GPHN: variants seen among roughly 807,000 people sequenced by gnomAD.
GPHN encodes the protein gephyrin.
GPHN carries 17 observed loss-of-function variants against 95.5 expected under a neutral mutation model. That is an observed-to-expected ratio of 0.18 (90% CI 0.12 to 0.27). The LOEUF (loss-of-function observed/expected upper bound fraction) is 0.27. Ranked by LOEUF, GPHN falls within the 10% of genes least tolerant of loss-of-function variation. GPHN has a pLI of 1.00. For missense variants in GPHN, 660 were observed against 978.1 expected (o/e 0.67, Z 4.34); for synonymous variants, 320 against 322.5 (o/e 0.99, Z 0.08).
the GPHN span, chr14:67,228,337 A>C: frequency 2.1e-6 from 1 of 485,324 alleles, no homozygotes; most frequent in African/African-American, 2.1e-5. Context: ...TATTTAGTTC[A>C]TCTTGTCTTA....
chr14:66,539,726 T>C (rs1016865271), intron 1 of GPHN, among the ~76,000 whole-genome samples: 1 of 152,154 alleles, frequency 6.6e-6, no homozygotes, highest in African/African-American at 2.4e-5. Flanking sequence ...CAGCCTGCTT[T>C]CTACTTTCAC....
chr14:67,008,097 C>A (rs1363776172), intron 9 of GPHN, among the ~76,000 whole-genome samples: 1 of 152,142 alleles, frequency 6.6e-6, no homozygotes, highest in African/African-American at 2.4e-5. Flanking sequence ...AAAGCTGTGT[C>A]TGAAATCGCT....
At chr14:66,655,532 T>A (rs1330541090) in intron 1 of GPHN, among the ~76,000 whole-genome samples, 1 of 152,138 alleles carries the variant, frequency 6.6e-6, no homozygotes, top group Admixed American at 6.5e-5. Context: ...TTGACAAATG[T>A]GCCATTTGCA....
At position 67,072,791 on chromosome 14, in the gene GPHN, T is replaced by TA. The variant is rs5809329; in HGVS notation, c.1144+14019dup. On this transcript the variant is annotated intron_variant, in intron 11 of 22. Coordinates refer to ENST00000478722, the MANE Select transcript of GPHN (RefSeq NM_020806.5). ...ATCCCAGTCTCCTTGGTTAACTTCC[T>TA]AAAAAAAAAAAAAATACAAACCATT... 5.0e-3 allele frequency among the ~76,000 whole-genome samples: 721 copies of TA among 144,132 alleles called. 1 individual carries two copies. Among genetic ancestry groups the TA allele is most frequent in the African/African-American group, 0.014 (559 of 40,534 alleles). 94.6% of individuals were successfully genotyped at this position (144,132 alleles called of 152,430 possible).
intron 1 of GPHN, among the ~76,000 whole-genome samples, chr14:66,540,860 A>T (rs2059329009): frequency 6.7e-6 from 1 of 150,076 alleles, no homozygotes. Context: ...TGCAGCCTCC[A>T]CTTCCTGGGT....
At chr14:67,722,587 C>T in the GPHN span, 1 of 1,462,508 alleles carries the variant, frequency 6.8e-7, no homozygotes, top group Non-Finnish European at 9.6e-7. Flanking sequence ...TGAGCCAGAG[C>T]TGGGGTTGAA....
At chr14:67,100,174 A>T (rs188258522) in intron 12 of GPHN, among the ~76,000 whole-genome samples, 158 of 152,282 alleles carry the variant, frequency 1.0e-3, no homozygotes, top group Non-Finnish European at 1.5e-3. Flanking sequence ...TTGATACATT[A>T]TTTTAAAAAA....
chr14:66,571,414 A>G (rs2060685924), intron 1 of GPHN, among the ~76,000 whole-genome samples: 1 of 152,192 alleles, frequency 6.6e-6, no homozygotes, highest in African/African-American at 2.4e-5. Context: ...ATGGTTTGCA[A>G]TAATTTTCTC....
intron 2 of GPHN, among the ~76,000 whole-genome samples, chr14:66,757,325 G>T (rs966186274): frequency 6.9e-6 from 1 of 145,040 alleles, no homozygotes; most frequent in African/African-American, 2.8e-5. Context: ...GCATTAAAAA[G>T]GGATATATAT....
chr14:67,583,947 C>T, the GPHN span: 1 of 1,612,076 alleles, frequency 6.2e-7, no homozygotes, highest in Non-Finnish European at 8.5e-7. Context: ...GGAATGAAGA[C>T]ACGTCGGCAC....
the GPHN span, among the ~76,000 whole-genome samples, chr14:67,255,723 C>T: frequency 6.6e-6 from 1 of 152,308 alleles, no homozygotes; most frequent in African/African-American, 2.4e-5. Context: ...CTCTGTTGCC[C>T]AGGCTGTAGT....
chr14:67,716,026 T>C, the GPHN span, among the ~76,000 whole-genome samples: 1 of 151,984 alleles, frequency 6.6e-6, no homozygotes, highest in Non-Finnish European at 1.5e-5. Context: ...AAACCCCGTC[T>C]CTACTAAAAA....
At chr14:67,037,647 T>C (rs2074488570) in intron 10 of GPHN, among the ~76,000 whole-genome samples, 1 of 151,704 alleles carries the variant, frequency 6.6e-6, no homozygotes, top group Admixed American at 6.6e-5. Flanking sequence ...AGGACTTGAA[T>C]AGACATAACT....
At chr14:66,693,863 A>G in intron 2 of GPHN, among the ~76,000 whole-genome samples, 1 of 152,234 alleles carries the variant, frequency 6.6e-6, no homozygotes. Context: ...CTGTTAAGTT[A>G]AAATCTATTG....
intron 4 of GPHN, among the ~76,000 whole-genome samples, chr14:66,874,431 T>G (rs1444409299): frequency 1.3e-5 from 2 of 152,094 alleles, no homozygotes; most frequent in African/African-American, 4.8e-5. Context: ...GAAGTAGGCT[T>G]CAGAAGGTGG....
At chr14:67,569,822 G>A in the GPHN span, 14 of 764,576 alleles carry the variant, frequency 1.8e-5, no homozygotes, top group Non-Finnish European at 3.2e-5. Flanking sequence ...TCACTGGCCT[G>A]CTCCTGGAGG....
chr14:66,870,431 A>G (rs1267583496), intron 4 of GPHN, among the ~76,000 whole-genome samples: 2 of 152,162 alleles, frequency 1.3e-5, no homozygotes, highest in African/African-American at 4.8e-5. Context: ...AAGATGAAGA[A>G]CTTTGTAAAG....
chr14:67,601,909 G>T, the GPHN span, among the ~76,000 whole-genome samples: 13,633 of 151,534 alleles, frequency 0.09, 649 homozygotes, highest in Middle Eastern at 0.12. Context: ...TGGCATAAAG[G>T]TCTCACCAGC....
the GPHN span, chr14:67,691,898 TTGG>T: frequency 6.5e-6 from 1 of 154,230 alleles, no homozygotes; most frequent in Non-Finnish European, 1.4e-5. Flanking sequence ...CTCATATCAT[TTGG>T]TGGTACGAAT....
Sources: gnomAD v4.1 joint callset for allele counts (sites outside exome capture counted in the v4.1 genomes callset) on GRCh38, gnomAD v4.1.1 for gene constraint, MANE v1.5 for transcripts, NCBI Gene and HGNC (gene_info 2026-07-23, HGNC 2026-07-21) for gene names.